MIOS: variants seen among roughly 807,000 people sequenced by gnomAD.
The protein encoded by MIOS is GATOR2 complex protein MIOS.
Under a neutral mutation model 96.9 loss-of-function variants are expected in MIOS, and 52 were observed. The ratio of observed to expected loss-of-function variants is 0.54; its 90% CI spans 0.43 to 0.68. The LOEUF (loss-of-function observed/expected upper bound fraction) is 0.68. Among genes scored for constraint, MIOS ranks in the 30% least tolerant of loss-of-function variants. The pLI, the probability that MIOS is intolerant of heterozygous loss-of-function variation, is 0.00. For missense variants in MIOS, 1,005 were observed against 1,052.8 expected (o/e 0.95, Z 0.63); for synonymous variants, 397 against 359.5 (o/e 1.10, Z -1.18).
rs535247655 is a variant in MIOS, at chr7:7,601,257, C to A, written c.2402-4685C>A. Among the ~76,000 whole-genome samples the A allele has an allele frequency of 5.4e-5, 8 of 149,088 alleles. No individual in the cohort carries two copies. In the South Asian group the frequency reaches 8.5e-4, roughly 16 times the overall value. ...GGAAATAGAGACACAAAAGACCCTT[C>A]AAAAAATCAATGAATCCAGGAGCTG... is the stretch of plus-strand genomic sequence containing the variant. On this transcript the variant is annotated intron_variant, in intron 11 of 12. Coordinates refer to ENST00000340080, the MANE Select transcript of MIOS (RefSeq NM_019005.4).
intron 11 of MIOS, among the ~76,000 whole-genome samples, chr7:7,600,582 C>A (rs1028767379): frequency 5.9e-5 from 9 of 152,090 alleles, no homozygotes; most frequent in Non-Finnish European, 1.3e-4. Context: ...CCTTAGTGAC[C>A]TACAAAGAGA....
Position 7,583,275 on chromosome 7 carries a change from A to G in MIOS, c.1551A>G (p.Gln517=), listed in dbSNP as rs550535942. 6.2e-7 allele frequency: 1 copy of G among 1,614,152 alleles called. No homozygotes were observed. The highest frequency in any genetic ancestry group is 1.1e-5 in the South Asian group (1 of 91,066). ...DVGPFLNSLV[Q]EGEWERAAAV... is the part of the protein sequence containing the mutation. ...GGCCATTTTTGAACTCCCTTGTACA[A>G]GAAGGGGAATGGGAAAGAGCTGCTG... The change falls in exon 6 of 13, where the codon CAA becomes CAG. Residue 517 remains glutamine, a synonymous_variant. Transcript: ENST00000340080.
At chr7:7,594,898 C>T (rs1198899039) in intron 9 of MIOS, 82 bp from the exon 10 acceptor site, 2 of 695,282 alleles carry the variant, frequency 2.9e-6, no homozygotes, top group South Asian at 2.6e-5. Flanking sequence ...TTCTGTGTTA[C>T]TCATACTTAC....
chr7:7,599,362 C>T (rs1233274649), intron 11 of MIOS, among the ~76,000 whole-genome samples: 1 of 152,176 alleles, frequency 6.6e-6, no homozygotes, highest in Non-Finnish European at 1.5e-5. Flanking sequence ...AAATCCCAAA[C>T]ATCCTGGATT....
intron 7 of MIOS, among the ~76,000 whole-genome samples, chr7:7,587,359 A>C (rs1783920687): frequency 6.6e-6 from 1 of 152,150 alleles, no homozygotes; most frequent in African/African-American, 2.4e-5. Context: ...TTGAGTTATT[A>C]GATAACAGTC....
At chr7:7,577,792 G>A (rs1279068654) in intron 5 of MIOS, among the ~76,000 whole-genome samples, 5 of 152,152 alleles carry the variant, frequency 3.3e-5, no homozygotes, top group Non-Finnish European at 7.3e-5. Flanking sequence ...CAGGGAGGTC[G>A]TAGGAAGAGG....
In MIOS at chr7:7,572,437, G is replaced by T. The variant is rs1783385853; in HGVS notation, c.-39G>T. On this transcript the variant is annotated splice_region_variant and 5_prime_UTR_variant, in exon 4 of 13. Coordinates refer to ENST00000340080, the MANE Select transcript of MIOS (RefSeq NM_019005.4). The surrounding 1 kb of genome is among the most constrained non-coding windows in gnomAD (Gnocchi z 4.8). ...CTTTTTATTTTTAAACATTTTCAGT[G>T]AATGGACCTGAGTGGACCCTTTGAT... 3.4e-6 allele frequency: 5 copies of T among 1,449,616 alleles called. No individual in the cohort carries two copies. The highest frequency in any genetic ancestry group is 3.7e-6 in the Non-Finnish European group (4 of 1,066,814). The allele number at this position is 1,449,616 out of a possible 1,614,324, so 89.8% of individuals were successfully genotyped here. A position where few individuals can be genotyped will look rare whatever the true frequency, so the allele number is the denominator to read the frequency against.
Position 7,593,879 on chromosome 7 carries a change from C to CAAAAA in MIOS, c.2044-1089_2044-1085dup, listed in dbSNP as rs35986278. 5.6e-3 allele frequency among the ~76,000 whole-genome samples: 247 copies of CAAAAA among 44,038 alleles called. 1 individual carries two copies. The highest frequency in any genetic ancestry group is 7.2e-3 in the Admixed American group (23 of 3,196). 28.9% of individuals were successfully genotyped at this position (44,038 alleles called of 152,430 possible). A position where few individuals can be genotyped will look rare whatever the true frequency, so the allele number is the denominator to read the frequency against. Reference sequence around the variant, plus strand: ...GGCCGACAGAGTGAGACTCTGTCTCCAAAAAAAAAAAAAAAAGAAAAAGAA... The same window carrying CAAAAA: ...GGCCGACAGAGTGAGACTCTGTCTCCAAAAAAAAAAAAAAAAAAAAAGAAAAAGAA... On this transcript the variant is annotated intron_variant, in intron 9 of 12. Coordinates refer to ENST00000340080, the MANE Select transcript of MIOS (RefSeq NM_019005.4).
intron 11 of MIOS, among the ~76,000 whole-genome samples, chr7:7,598,586 A>G (rs1294871594): frequency 6.6e-6 from 1 of 152,180 alleles, no homozygotes; most frequent in African/African-American, 2.4e-5. Flanking sequence ...TGAGAGCTCG[A>G]GGTAAAATAT....
chr7:7,595,073 C>T lies in MIOS; in HGVS notation c.2137C>T (p.Arg713Ter), dbSNP rs774606025. 4 of 1,613,978 alleles carry T rather than the reference C, an allele frequency of 2.5e-6. No individual in the cohort carries two copies. Among genetic ancestry groups the T allele is most frequent in the Admixed American group, 3.3e-5 (2 of 60,010 alleles). The change falls in exon 10 of 13, where the codon CGA becomes TGA. Residue 713 changes from arginine to a stop codon, truncating the protein, a stop_gained. Transcript: ENST00000340080. LOFTEE classifies it high-confidence loss of function. The stretch of plus-strand genomic sequence containing the variant: ...AGATGCCTGGAGGTTTTGGCATAAA[C>T]GAGCTGAATTTGATATTCACAGGAG... ...LLDAWRFWHKRAEFDIHRSKL... is the reference protein window; with the variant it reads ...LLDAWRFWHK
Position 7,572,417 on chromosome 7 carries a change from T to C in MIOS, c.-40-19T>C. 7.6e-7 allele frequency: 1 copy of C among 1,321,092 alleles called. No individual in the cohort carries two copies. The highest frequency in any genetic ancestry group is 1.0e-6 in the Non-Finnish European group (1 of 968,894). The allele number at this position is 1,321,092 out of a possible 1,614,324, so 81.8% of individuals were successfully genotyped here. The stretch of plus-strand genomic sequence containing the variant: ...ATTTTGCTGATATTTTAAAACTTTT[T>C]ATTTTTAAACATTTTCAGTGAATGG... On this transcript the variant is annotated intron_variant, in intron 3 of 12. Transcript: ENST00000340080. This position sits in a 1 kb window ranked among gnomAD's most constrained non-coding sequence, Gnocchi z 4.8.
chr7:7,593,721 C>CT (rs1784114071), intron 9 of MIOS, among the ~76,000 whole-genome samples: 1 of 150,984 alleles, frequency 6.6e-6, no homozygotes, highest in African/African-American at 2.4e-5. Flanking sequence ...TGGTGAAACC[C>CT]CATCTCTACT....
At chr7:7,590,199 A>G (rs752413103) in intron 9 of MIOS, among the ~76,000 whole-genome samples, 1 of 152,066 alleles carries the variant, frequency 6.6e-6, no homozygotes, top group Non-Finnish European at 1.5e-5. Context: ...TCATATCACA[A>G]TATGGTAGCA....
intron 5 of MIOS, among the ~76,000 whole-genome samples, chr7:7,579,810 T>C (rs1442970837): frequency 6.6e-6 from 1 of 152,200 alleles, no homozygotes; most frequent in Non-Finnish European, 1.5e-5. Context: ...AGGTGTGTAG[T>C]GGGCTATGCC....
chr7:7,572,315 C>G lies in MIOS; in HGVS notation c.-40-121C>G, dbSNP rs556510308. 4.9e-5 allele frequency: 24 copies of G among 492,928 alleles called. No individual in the cohort carries two copies. Among genetic ancestry groups the G allele is most frequent in the African/African-American group, 3.9e-4 (20 of 50,686 alleles). 30.5% of individuals were successfully genotyped at this position (492,928 alleles called of 1,614,324 possible). On this transcript the variant is annotated intron_variant, in intron 3 of 12. Transcript: ENST00000340080. This position sits in a 1 kb window ranked among gnomAD's most constrained non-coding sequence, Gnocchi z 4.8. ...TCATAGCAGATAGAGAGAAGAAATA[C>G]AAATATATTGAAAAAGAGGGTTCTT...
chr7:7,573,832 A>C lies in MIOS; in HGVS notation c.1294+63A>C. ...GTAGAAATGTTCTTGAAGTTTGCCAAAAGGTCAGTCTGTAAATATGCTCAA... is the reference window on the plus strand; with the variant it reads ...GTAGAAATGTTCTTGAAGTTTGCCACAAGGTCAGTCTGTAAATATGCTCAA... On this transcript the variant is annotated intron_variant, in intron 4 of 12. Coordinates refer to ENST00000340080, the MANE Select transcript of MIOS (RefSeq NM_019005.4). This position sits in a 1 kb window ranked among gnomAD's most constrained non-coding sequence, Gnocchi z 5.0. 7.0e-7 allele frequency: 1 copy of C among 1,425,188 alleles called. No individual in the cohort carries two copies. The highest frequency in any genetic ancestry group is 1.4e-5 in the South Asian group (1 of 71,986). The allele number at this position is 1,425,188 out of a possible 1,614,324, so 88.3% of individuals were successfully genotyped here.
At chr7:7,589,042 A>G (rs950937322) in intron 8 of MIOS, among the ~76,000 whole-genome samples, 20 of 152,152 alleles carry the variant, frequency 1.3e-4, no homozygotes, top group Non-Finnish European at 7.4e-5. Flanking sequence ...GTTATTCTTG[A>G]TGATCTTAAA....
intron 11 of MIOS, among the ~76,000 whole-genome samples, chr7:7,600,601 C>T (rs921591995): frequency 1.3e-5 from 2 of 152,248 alleles, no homozygotes; most frequent in East Asian, 3.9e-4. Context: ...GACTTAGACT[C>T]CCACACAATA....
chr7:7,609,045 A>G (rs1784598964), downstream of MIOS: 1 of 152,092 alleles, frequency 6.6e-6, no homozygotes, highest in Admixed American at 6.6e-5. Flanking sequence ...AAACTCAACA[A>G]GATACTTTAC....
Sources: gnomAD v4.1 joint callset for allele counts (sites outside exome capture counted in the v4.1 genomes callset) on GRCh38, gnomAD v4.1.1 for gene constraint, Gnocchi (gnomAD v3.1) non-coding constraint, MANE v1.5 for transcripts, NCBI Gene and HGNC (gene_info 2026-07-23, HGNC 2026-07-21) for gene names.